The following CCNJL variants were observed in gnomAD, a reference collection of about 807,000 sequenced individuals.
The protein encoded by CCNJL is cyclin-J-like protein.
In CCNJL, 33 loss-of-function variants were observed where a neutral mutation model predicts 33.4. The observed-to-expected ratio is 0.99, with a 90% CI of 0.75 to 1.32. CCNJL has a LOEUF of 1.32. Among genes scored for constraint, CCNJL ranks in the 40% most tolerant of loss-of-function variants. CCNJL has a pLI of 0.00. For missense variants in CCNJL, 512 were observed against 499.7 expected (o/e 1.02, Z -0.23); for synonymous variants, 227 against 220.9 (o/e 1.03, Z -0.24).
In CCNJL at chr5:160,259,629, G is replaced by A. The variant is rs755251069; in HGVS notation, c.423C>T (p.Asn141=). 1 of 1,614,208 alleles carries A rather than the reference G, an allele frequency of 6.2e-7. No homozygotes were observed. Among genetic ancestry groups the A allele is most frequent in the Non-Finnish European group, 8.5e-7 (1 of 1,180,046 alleles). ...ELLLLEAFSW[N]LCLPTPAHFL... ...AGTGGGCAGGCGTGGGCAGGCAGAG[G>A]TTCCAGCTGAAGGCCTCCAGGAGCA... is the stretch of plus-strand genomic sequence containing the variant. The change falls in exon 4 of 6, where the codon AAC becomes AAT. Residue 141 remains asparagine, a synonymous_variant. Transcript: ENST00000257536.
At position 160,253,659 on chromosome 5, in the gene CCNJL, G is replaced by C. The variant is rs767440638; in HGVS notation, c.883C>G (p.Leu295Val). The C allele has an allele frequency of 6.8e-6, 11 of 1,610,396 alleles. No homozygotes were observed. The highest frequency in any genetic ancestry group is 9.3e-6 in the Non-Finnish European group (11 of 1,177,582). The change falls in exon 6 of 6, where the codon CTG (leucine) becomes GTG (valine). Residue 295 changes from leucine to valine, a missense_variant. Coordinates refer to ENST00000257536, the MANE Select transcript of CCNJL (RefSeq NM_001308173.3). ...YPALGQPATT[L>V]AQFQTPVQDL... ...TGCACGGGGGTCTGGAACTGTGCCAGGGTGGTCGCTGGCTGGCCGAGGGCC... is the reference window on the plus strand; with the variant it reads ...TGCACGGGGGTCTGGAACTGTGCCACGGTGGTCGCTGGCTGGCCGAGGGCC...
chr5:160,326,845 G>GCAAAACTA, intron 1 of CCNJL: 1 of 731,502 alleles, frequency 1.4e-6, no homozygotes, highest in East Asian at 3.2e-5. Context: ...CATTAGTTTT[G>GCAAAACTA]ATGAGTATAT....
intron 1 of CCNJL, chr5:160,326,558 C>A (rs563044017): frequency 7.7e-5 from 24 of 312,804 alleles, no homozygotes; most frequent in Middle Eastern, 8.8e-4. Flanking sequence ...ATATTCAAAA[C>A]GATTACACTG....
intron 2 of CCNJL, among the ~76,000 whole-genome samples, chr5:160,285,785 C>T (rs146970467): frequency 0.021 from 3,222 of 152,318 alleles, 54 homozygotes; most frequent in Non-Finnish European, 0.03. Flanking sequence ...ACTGCCTTGC[C>T]CTACTCTGAG....
chr5:160,257,242 G>A (rs1457151623), intron 4 of CCNJL, among the ~76,000 whole-genome samples: 3 of 152,084 alleles, frequency 2.0e-5, no homozygotes, highest in South Asian at 2.1e-4. Context: ...TTGGGAGGCC[G>A]AGAGGGGCAG....
intron 1 of CCNJL, among the ~76,000 whole-genome samples, chr5:160,330,808 C>T (rs188557387): frequency 1.6e-3 from 245 of 152,036 alleles, no homozygotes; most frequent in African/African-American, 5.6e-3. Context: ...GGATTACAGG[C>T]ATGCGCCATC....
chr5:160,272,059 C>T (rs996654567), intron 3 of CCNJL, among the ~76,000 whole-genome samples: 1 of 152,176 alleles, frequency 6.6e-6, no homozygotes, highest in Non-Finnish European at 1.5e-5. Flanking sequence ...ACAATTAGAG[C>T]CGTGGAGGCA....
intron 3 of CCNJL, among the ~76,000 whole-genome samples, chr5:160,273,642 C>CTTTT (rs56869675): frequency 0.011 from 1,093 of 97,734 alleles, 81 homozygotes; most frequent in African/African-American, 0.041. Flanking sequence ...AGTGCCGCCA[C>CTTTT]TTTTTTTTTT....
In CCNJL at chr5:160,253,737, G is replaced by A. The variant is rs1323293734; in HGVS notation, c.805C>T (p.Pro269Ser). The change falls in exon 6 of 6, where the codon CCC (proline) becomes TCC (serine). Residue 269 changes from proline to serine, a missense_variant. Transcript: ENST00000257536. ...AVKSQALAMV[P>S]GTPPTPTQVL... is the part of the protein sequence containing the mutation. ...TGAGTGGGGGTGGGGGGTGTGCCGG[G>A]CACCATTGCCAAGGCCTGGCTCTTG... 3.8e-6 allele frequency: 6 copies of A among 1,566,888 alleles called. No homozygotes were observed. Among genetic ancestry groups the A allele is most frequent in the East Asian group, 2.3e-5 (1 of 44,322 alleles).
At chr5:160,273,250 A>G (rs1450208116) in intron 3 of CCNJL, among the ~76,000 whole-genome samples, 3 of 152,240 alleles carry the variant, frequency 2.0e-5, no homozygotes, top group Non-Finnish European at 4.4e-5. Context: ...TGATCAGCCT[A>G]TAACTTTGTG....
intron 3 of CCNJL, among the ~76,000 whole-genome samples, chr5:160,268,002 T>C (rs578244671): frequency 6.6e-6 from 1 of 152,230 alleles, no homozygotes; most frequent in South Asian, 2.1e-4. Flanking sequence ...GTCAAAGGAG[T>C]GGCTCTCTAA....
At chr5:160,293,689 C>A (rs1762659196) in intron 2 of CCNJL, among the ~76,000 whole-genome samples, 2 of 152,100 alleles carry the variant, frequency 1.3e-5, no homozygotes, top group Non-Finnish European at 2.9e-5. Context: ...CTCCCCACAC[C>A]CACCCTCCGA....
chr5:160,302,821 A>AT (rs1212217217), intron 2 of CCNJL, among the ~76,000 whole-genome samples: 17 of 151,900 alleles, frequency 1.1e-4, no homozygotes, highest in African/African-American at 2.9e-4. Flanking sequence ...CAATAAAAAA[A>AT]AAAAAATAAT....
At chr5:160,333,583 C>T (rs948161322) in intron 1 of CCNJL, among the ~76,000 whole-genome samples, 2 of 148,002 alleles carry the variant, frequency 1.4e-5, no homozygotes, top group African/African-American at 5.1e-5. Flanking sequence ...AGAGTGAGAC[C>T]CTGTCTCCAA....
chr5:160,259,899 G>T, intron 3 of CCNJL, 128 bp from the exon 4 acceptor site: 1 of 717,066 alleles, frequency 1.4e-6, no homozygotes, highest in Non-Finnish European at 2.4e-6. Context: ...GCCAGACTGC[G>T]GAGGAATAGG....
intron 3 of CCNJL, among the ~76,000 whole-genome samples, chr5:160,278,533 G>A (rs1347611601): frequency 1.3e-5 from 2 of 152,160 alleles, no homozygotes; most frequent in Non-Finnish European, 2.9e-5. Context: ...TGCAGCATAT[G>A]GCAGGTGTCC....
At chr5:160,323,985 T>A (rs747153447) in intron 1 of CCNJL, among the ~76,000 whole-genome samples, 113 of 152,206 alleles carry the variant, frequency 7.4e-4, no homozygotes, top group Non-Finnish European at 6.5e-4. Context: ...TGCTCAGGCC[T>A]GTGGGCTTGG....
chr5:160,254,361 A>C (rs1756794000), intron 5 of CCNJL: 1 of 655,642 alleles, frequency 1.5e-6, no homozygotes, highest in Admixed American at 2.5e-5. Context: ...TTGCCATCTC[A>C]AAAAAAGCTT....
intron 5 of CCNJL, chr5:160,254,392 A>G (rs1177754207): frequency 1.6e-6 from 1 of 632,676 alleles, no homozygotes; most frequent in Non-Finnish European, 2.8e-6. Flanking sequence ...TTTTTGGGAA[A>G]ACAAAACAAT....
Sources: gnomAD v4.1 joint callset for allele counts (sites outside exome capture counted in the v4.1 genomes callset) on GRCh38, gnomAD v4.1.1 for gene constraint, MANE v1.5 for transcripts, NCBI Gene and HGNC (gene_info 2026-07-23, HGNC 2026-07-21) for gene names.